Variants in CEP85L observed in about 807,000 individuals in gnomAD.
The protein encoded by CEP85L is centrosomal protein of 85 kDa-like.
In CEP85L, 60 loss-of-function variants were observed where a neutral mutation model predicts 100.3. The ratio of observed to expected loss-of-function variants is 0.60; its 90% confidence interval spans 0.49 to 0.74. The LOEUF (loss-of-function observed/expected upper bound fraction) is 0.74. Among genes scored for constraint, CEP85L ranks in the 30% least tolerant of loss-of-function variants. The pLI, the probability that CEP85L is intolerant of heterozygous loss-of-function variation, is 0.00. For missense variants in CEP85L, 973 were observed against 936.2 expected (o/e 1.04, Z -0.51); for synonymous variants, 319 against 322.7 (o/e 0.99, Z 0.12).
chr6:118,630,459 G>A (rs1774073563), intron 2 of CEP85L, among the ~76,000 whole-genome samples: 1 of 152,118 alleles, frequency 6.6e-6, no homozygotes. Context: ...GTTGAAAGCT[G>A]ACATCCACAC....
chr6:118,666,269 T>C (rs1776131385), intron 1 of CEP85L, among the ~76,000 whole-genome samples: 2 of 152,218 alleles, frequency 1.3e-5, no homozygotes, highest in South Asian at 4.1e-4. Flanking sequence ...AGCGGACCTA[T>C]ACAGGTGTTT....
chr6:118,535,282 C>T (rs1459181718), intron 3 of CEP85L, among the ~76,000 whole-genome samples: 4 of 152,132 alleles, frequency 2.6e-5, no homozygotes, highest in African/African-American at 7.2e-5. Context: ...AGAAACCACA[C>T]TCAAAGGCTA....
chr6:118,623,681 G>A (rs1446945240), intron 2 of CEP85L, among the ~76,000 whole-genome samples: 2 of 152,200 alleles, frequency 1.3e-5, no homozygotes, highest in African/African-American at 4.8e-5. Context: ...CAAAATCAAA[G>A]GGGGCTCAGT....
intron 2 of CEP85L, among the ~76,000 whole-genome samples, chr6:118,606,037 A>G (rs1478428879): frequency 6.6e-6 from 1 of 151,484 alleles, no homozygotes; most frequent in Non-Finnish European, 1.5e-5. Flanking sequence ...AAAAAGTGGA[A>G]AGCCAAAAAA....
At chr6:118,676,855 T>C (rs1377661457) in intron 1 of CEP85L, among the ~76,000 whole-genome samples, 1 of 152,216 alleles carries the variant, frequency 6.6e-6, no homozygotes, top group African/African-American at 2.4e-5. Flanking sequence ...CCTTGTTATC[T>C]TTTGTCTTTT....
Position 118,651,389 on chromosome 6 carries a change from G to A in CEP85L, c.-120C>T, listed in dbSNP as rs1775550362. ...CTCGGCGACACGGGCAGGAGGAAAG[G>A]CGGGATGGCTGGTTAACGGCTGCTC... On this transcript the variant is annotated 5_prime_UTR_variant, in exon 1 of 13. Coordinates refer to ENST00000368491, the MANE Select transcript of CEP85L (RefSeq NM_001042475.3). 1 of 1,357,330 alleles carries A rather than the reference G, an allele frequency of 7.4e-7. No homozygotes were observed. The highest frequency in any genetic ancestry group is 3.8e-5 in the Admixed American group (1 of 26,382). The allele number at this position is 1,357,330 out of a possible 1,614,324, so 84.1% of individuals were successfully genotyped here. A position where few individuals can be genotyped will look rare whatever the true frequency, so the allele number is the denominator to read the frequency against.
chr6:118,633,536 C>T (rs1774309095), intron 1 of CEP85L, among the ~76,000 whole-genome samples: 1 of 152,150 alleles, frequency 6.6e-6, no homozygotes. Flanking sequence ...TACTTTTTAG[C>T]TAATTTAAGG....
intron 1 of CEP85L, among the ~76,000 whole-genome samples, chr6:118,702,311 G>A (rs960249327): frequency 2.6e-5 from 4 of 151,994 alleles, no homozygotes; most frequent in Non-Finnish European, 5.9e-5. Context: ...AGGAGTTCAA[G>A]ACCAGCCTTG....
At chr6:118,652,576 T>A, upstream of CEP85L, 3 of 1,458,990 alleles carry the variant, frequency 2.1e-6, no homozygotes, top group Admixed American at 7.0e-5. Context: ...GCTTTTCCTG[T>A]TCTGGAATCT....
At chr6:118,491,919 T>C (rs1774604677) in intron 5 of CEP85L, 54 bp from the exon 6 acceptor site, 3 of 1,366,352 alleles carry the variant, frequency 2.2e-6, no homozygotes, top group Admixed American at 2.2e-5. Flanking sequence ...CTTGAACAAA[T>C]GTGAAGAAAT....
chr6:118,554,224 G>A (rs955768024), intron 3 of CEP85L, among the ~76,000 whole-genome samples: 1 of 152,084 alleles, frequency 6.6e-6, no homozygotes, highest in Non-Finnish European at 1.5e-5. Flanking sequence ...GGAAGTTGAG[G>A]TGCAGTGAGC....
chr6:118,604,945 G>GA lies in CEP85L; in HGVS notation c.232+27507dup, dbSNP rs1178632203. 1.0e-4 allele frequency among the ~76,000 whole-genome samples: 15 copies of GA among 146,518 alleles called. No homozygotes were observed. The East Asian group carries it at 3.0e-3, about 29-fold the overall frequency. On this transcript the variant is annotated intron_variant, in intron 2 of 12. Coordinates refer to ENST00000368491, the MANE Select transcript of CEP85L (RefSeq NM_001042475.3). The stretch of plus-strand genomic sequence containing the variant: ...AAGGCATTAAAGTTTCCATTTTTCT[G>GA]AAAAAATATTAAGTGCTTATTTTTC...
intron 4 of CEP85L, among the ~76,000 whole-genome samples, chr6:118,520,735 T>G (rs1242384837): frequency 1.3e-5 from 2 of 152,192 alleles, no homozygotes; most frequent in African/African-American, 2.4e-5. Context: ...AAACTCCACT[T>G]TTACGAGCTA....
chr6:118,651,865 C>T, upstream of CEP85L: 2 of 985,624 alleles, frequency 2.0e-6, no homozygotes, highest in Non-Finnish European at 2.4e-6. Context: ...ACTCGCCCCT[C>T]CCTTGGGTAA....
intron 3 of CEP85L, among the ~76,000 whole-genome samples, chr6:118,546,873 T>C (rs1193176439): frequency 6.6e-6 from 1 of 152,174 alleles, no homozygotes; most frequent in African/African-American, 2.4e-5. Context: ...GGTTTTACTT[T>C]TAAGTTGTAA....
intron 4 of CEP85L, among the ~76,000 whole-genome samples, chr6:118,518,198 TG>T (rs1776399495): frequency 6.6e-6 from 1 of 152,184 alleles, no homozygotes; most frequent in African/African-American, 2.4e-5. Flanking sequence ...TTTCTTTTTT[TG>T]TTGTGTCTCT....
intron 4 of CEP85L, among the ~76,000 whole-genome samples, chr6:118,514,830 G>T (rs1776177188): frequency 6.6e-6 from 1 of 151,568 alleles, no homozygotes; most frequent in South Asian, 2.1e-4. Context: ...TTAGAGACAG[G>T]GTGTCACTCT....
chr6:118,516,988 A>G (rs1015038106), intron 4 of CEP85L, among the ~76,000 whole-genome samples: 2 of 151,932 alleles, frequency 1.3e-5, no homozygotes, highest in African/African-American at 4.8e-5. Flanking sequence ...TCCCAACACC[A>G]TTCATTAAAT....
rs1302016540 is a variant in CEP85L at position 118,611,081 on chromosome 6, AG to A, written c.232+21371del. ...AAAAAAGAAACCTTGGAACATACAA[AG>A]GAAGAAAAAACACAAGAAACAAAAT... On this transcript the variant is annotated intron_variant, in intron 2 of 12. Transcript: ENST00000368491. 6.6e-5 allele frequency among the ~76,000 whole-genome samples: 10 copies of A among 152,300 alleles called. No homozygotes were observed. The East Asian group carries it at 1.9e-3, about 29-fold the overall frequency.
Sources: gnomAD v4.1 joint callset for allele counts (sites outside exome capture counted in the v4.1 genomes callset) on GRCh38, gnomAD v4.1.1 for gene constraint, MANE v1.5 for transcripts, NCBI Gene and HGNC (gene_info 2026-07-23, HGNC 2026-07-21) for gene names.